The following CSGALNACT1 variants were observed in gnomAD, a reference collection of about 807,000 sequenced individuals.
The protein encoded by CSGALNACT1 is chondroitin sulfate N-acetylgalactosaminyltransferase 1.
In CSGALNACT1, 52 loss-of-function variants were observed where a neutral mutation model predicts 51.0. The observed-to-expected ratio is 1.02, with a 90% CI of 0.82 to 1.29. The LOEUF (loss-of-function observed/expected upper bound fraction) is 1.29. Ranked by LOEUF, CSGALNACT1 falls within the 50% of genes most tolerant of loss-of-function variation. The pLI is 0.00. For missense variants in CSGALNACT1, 935 were observed against 679.2 expected (o/e 1.38, Z -4.19); for synonymous variants, 341 against 254.4 (o/e 1.34, Z -3.24).
intron 3 of CSGALNACT1, among the ~76,000 whole-genome samples, chr8:19,588,529 T>C (rs2047145237): frequency 1.3e-5 from 2 of 152,230 alleles, no homozygotes; most frequent in South Asian, 4.1e-4. Flanking sequence ...GCCCATAAAT[T>C]GCAGTGTGCC....
At chr8:19,647,056 C>A (rs922340242) in intron 1 of CSGALNACT1, among the ~76,000 whole-genome samples, 5 of 152,024 alleles carry the variant, frequency 3.3e-5, no homozygotes, top group Non-Finnish European at 7.4e-5. Context: ...CTAGTGGTCC[C>A]CTAAATAAGA....
chr8:19,502,488 CTTG>C (rs2076587660), intron 4 of CSGALNACT1, among the ~76,000 whole-genome samples: 1 of 152,138 alleles, frequency 6.6e-6, no homozygotes, highest in South Asian at 2.1e-4. Context: ...TTGAACTTTT[CTTG>C]TTATTTTTTA....
chr8:19,634,426 C>T (rs1348149366), intron 1 of CSGALNACT1, among the ~76,000 whole-genome samples: 2 of 151,942 alleles, frequency 1.3e-5, no homozygotes, highest in East Asian at 3.9e-4. Flanking sequence ...CAGAGAGAGG[C>T]CGAGGCAAGA....
At chr8:19,439,926 A>T (rs1441091587) in exon 6 of CSGALNACT1, 4 of 1,613,796 alleles carry the variant, frequency 2.5e-6, no homozygotes, top group Non-Finnish European at 3.4e-6. Context: ...CTCAATGCAC[A>T]TCTCCCTGGA....
At chr8:19,696,790 C>T (rs78114419) in intron 1 of CSGALNACT1, among the ~76,000 whole-genome samples, 5,221 of 152,246 alleles carry the variant, frequency 0.034, 133 homozygotes, top group Middle Eastern at 0.088. Flanking sequence ...TACACAGGAA[C>T]CACACACAGT....
rs191956027 is a variant in CSGALNACT1 at position 19,728,843 on chromosome 8, C to T, written c.-297+29007G>A. On this transcript the variant is annotated intron_variant, in intron 1 of 1. Coordinates refer to the CSGALNACT1 transcript ENST00000517494. Reference sequence around the variant, plus strand: ...AACCTTTTCCTCAACCCCCAAAAGGCGTAACTCACCCACCTTTGGCATAAG... The same window carrying T: ...AACCTTTTCCTCAACCCCCAAAAGGTGTAACTCACCCACCTTTGGCATAAG... 3.8e-3 allele frequency among the ~76,000 whole-genome samples: 571 copies of T among 152,162 alleles called. 4 individuals carry two copies. Among genetic ancestry groups the T allele is most frequent in the Non-Finnish European group, 3.5e-3 (239 of 68,000 alleles).
intron 1 of CSGALNACT1, among the ~76,000 whole-genome samples, chr8:19,690,152 T>C (rs2061220512): frequency 6.6e-6 from 1 of 152,250 alleles, no homozygotes. Flanking sequence ...TCAAAGCAGT[T>C]ATATTCTAAT....
intron 1 of CSGALNACT1, among the ~76,000 whole-genome samples, chr8:19,735,959 T>C (rs2063943799): frequency 6.6e-6 from 1 of 152,238 alleles, no homozygotes; most frequent in Non-Finnish European, 1.5e-5. Flanking sequence ...CAATGTGTTT[T>C]ATCAATTTTC....
At chr8:19,418,173 G>A (rs1022979944) in intron 8 of CSGALNACT1, among the ~76,000 whole-genome samples, 2 of 152,154 alleles carry the variant, frequency 1.3e-5, no homozygotes, top group Admixed American at 6.5e-5. Flanking sequence ...GTGGCATGAC[G>A]GGAAGGGCAC....
At chr8:19,405,729 G>C in exon 10 of CSGALNACT1, 1 of 1,610,100 alleles carries the variant, frequency 6.2e-7, no homozygotes, top group Non-Finnish European at 8.5e-7. Flanking sequence ...GCCACTTTCA[G>C]TAATTGCAAA....
intron 4 of CSGALNACT1, among the ~76,000 whole-genome samples, chr8:19,470,049 C>G (rs1198072751): frequency 6.6e-6 from 1 of 152,024 alleles, no homozygotes; most frequent in Non-Finnish European, 1.5e-5. Context: ...AAGCAACATA[C>G]TTCCTTCATA....
chr8:19,474,585 C>A (rs1039153650), intron 4 of CSGALNACT1, among the ~76,000 whole-genome samples: 1 of 151,892 alleles, frequency 6.6e-6, no homozygotes. Context: ...AAGCACCTTC[C>A]GGCCAGGTGT....
intron 3 of CSGALNACT1, among the ~76,000 whole-genome samples, chr8:19,582,675 C>G (rs955801035): frequency 2.0e-5 from 3 of 152,122 alleles, no homozygotes; most frequent in African/African-American, 7.2e-5. Flanking sequence ...TTCAGCTTGA[C>G]TTAAATTTAG....
At chr8:19,615,834 T>C (rs2052923047) in intron 1 of CSGALNACT1, among the ~76,000 whole-genome samples, 1 of 152,028 alleles carries the variant, frequency 6.6e-6, no homozygotes, top group South Asian at 2.1e-4. Flanking sequence ...AGAATATGAA[T>C]CAAAAGACCA....
intron 3 of CSGALNACT1, among the ~76,000 whole-genome samples, chr8:19,526,631 G>C (rs887484291): frequency 7.9e-5 from 12 of 151,866 alleles, no homozygotes; most frequent in Non-Finnish European, 8.8e-5. Flanking sequence ...AAAGAGAAAT[G>C]CTTATTTGAC....
intron 3 of CSGALNACT1, among the ~76,000 whole-genome samples, chr8:19,588,459 A>G (rs1320306423): frequency 6.6e-6 from 1 of 152,234 alleles, no homozygotes; most frequent in African/African-American, 2.4e-5. Context: ...GAAAGAATTC[A>G]GTGATTTATA....
chr8:19,553,639 A>ATATATATATATATATATATATATATAT (rs869251447), intron 3 of CSGALNACT1, among the ~76,000 whole-genome samples: 12 of 126,564 alleles, frequency 9.5e-5, no homozygotes, highest in East Asian at 2.2e-4. Flanking sequence ...ATATATATAT[A>ATATATATATATATATATATATATATAT]AAAAAATATG....
intron 1 of CSGALNACT1, among the ~76,000 whole-genome samples, chr8:19,610,128 A>G: frequency 6.6e-6 from 1 of 151,502 alleles, no homozygotes; most frequent in South Asian, 2.1e-4. Context: ...CGTCTCTACT[A>G]AAAATACAAA....
intron 1 of CSGALNACT1, among the ~76,000 whole-genome samples, chr8:19,646,967 C>T (rs73214672): frequency 0.019 from 2,895 of 152,242 alleles, 53 homozygotes; most frequent in South Asian, 0.044. Flanking sequence ...AGAATACATG[C>T]ATGACCTCCT....
Sources: gnomAD v4.1 joint callset for allele counts (sites outside exome capture counted in the v4.1 genomes callset) on GRCh38, gnomAD v4.1.1 for gene constraint, MANE v1.5 for transcripts, NCBI Gene and HGNC (gene_info 2026-07-23, HGNC 2026-07-21) for gene names.